CADM3: variants seen among roughly 807,000 people sequenced by gnomAD.
CADM3 encodes cell adhesion molecule 3.
In CADM3, 11 loss-of-function variants were observed where a neutral mutation model predicts 44.9. The observed-to-expected ratio is 0.25, with a 90% CI of 0.15 to 0.41. The LOEUF is 0.41. Ranked by LOEUF, CADM3 falls within the 10% of genes least tolerant of loss-of-function variation. The pLI, the probability that CADM3 is intolerant of heterozygous loss-of-function variation, is 1.00. For synonymous variants in CADM3, 207 were observed against 205.2 expected (o/e 1.01, Z -0.08); for missense variants, 426 against 512.0 (o/e 0.83, Z 1.62).
At chr1:159,192,530 G>A (rs1325037809) in intron 2 of CADM3, 48 bp from the exon 3 acceptor site, 2 of 1,613,178 alleles carry the variant, frequency 1.2e-6, no homozygotes, top group South Asian at 2.2e-5. Context: ...AGGTAAACAT[G>A]AAAGGTGCCA....
At chr1:159,182,832 AG>A in intron 1 of CADM3, among the ~76,000 whole-genome samples, 1 of 152,360 alleles carries the variant, frequency 6.6e-6, no homozygotes, top group South Asian at 2.1e-4. Context: ...AATACCTTAA[AG>A]TTTGGATAGG....
intron 4 of CADM3, 97 bp downstream of exon 4, chr1:159,193,657 G>C: frequency 6.5e-7 from 1 of 1,544,660 alleles, no homozygotes; most frequent in Non-Finnish European, 8.9e-7. Flanking sequence ...TGGTATGGAA[G>C]AGAAAAGGGG....
chr1:159,172,468 GA>G (rs1425414231), intron 1 of CADM3, among the ~76,000 whole-genome samples: 1 of 152,134 alleles, frequency 6.6e-6, no homozygotes. Context: ...CTTATCCTTG[GA>G]GCAAAACAAC....
intron 7 of CADM3, chr1:159,197,556 G>C (rs952194296): frequency 1.3e-5 from 2 of 152,302 alleles, no homozygotes; most frequent in African/African-American, 4.8e-5. Context: ...TATGCCAAGA[G>C]ACAGAATCTT....
chr1:159,199,797 C>T lies in CADM3; in HGVS notation c.999C>T (p.Ile333=), dbSNP rs774303512. The T allele has an allele frequency of 1.9e-5, 30 of 1,613,998 alleles. No homozygotes were observed. The highest frequency in any genetic ancestry group is 1.8e-4 in the East Asian group (8 of 44,876). The change falls in exon 8 of 9, where the codon ATC becomes ATT. Residue 333 remains isoleucine, a synonymous_variant. Coordinates refer to ENST00000368125, the MANE Select transcript of CADM3 (RefSeq NM_001127173.3). ...PSSSSTYHAI[I]GGIVAFIVFL... The stretch of plus-strand genomic sequence containing the variant: ...CCTCCAGCACCTACCACGCCATCAT[C>T]GGTGGGATCGTGGCTTTCATTGTCT...
Position 159,202,793 on chromosome 1 carries a change from A to G in CADM3, c.*1871A>G, listed in dbSNP as rs961092192. The stretch of plus-strand genomic sequence containing the variant: ...GTTGTGAATCTTCCAGCCGCTGGTT[A>G]GGGCCTTGGGCACCACAGGCAGCCC... On this transcript the variant is annotated 3_prime_UTR_variant, in exon 9 of 9. Coordinates refer to ENST00000368125, the MANE Select transcript of CADM3 (RefSeq NM_001127173.3). 2 of 152,022 alleles carry G rather than the reference A, an allele frequency of 1.3e-5. No homozygotes were observed. Among genetic ancestry groups the G allele is most frequent in the African/African-American group, 4.8e-5 (2 of 41,354 alleles). The allele number at this position is 152,022 out of a possible 1,614,324, so 9.4% of individuals were successfully genotyped here.
At chr1:159,191,899 G>T (rs752066028) in intron 1 of CADM3, 37 bp from the exon 2 acceptor site, 11 of 1,612,534 alleles carry the variant, frequency 6.8e-6, no homozygotes, top group Non-Finnish European at 8.5e-6. Flanking sequence ...GAGGGGCTAG[G>T]GGTCCTCAGG....
chr1:159,189,855 A>C (rs1332651322), intron 1 of CADM3: 2 of 1,602,726 alleles, frequency 1.2e-6, no homozygotes, highest in Non-Finnish European at 8.5e-7. Context: ...AGCAGCCCTG[A>C]CATGCTGGCC....
intron 1 of CADM3, among the ~76,000 whole-genome samples, chr1:159,188,475 A>G (rs1393593956): frequency 6.6e-6 from 1 of 150,836 alleles, no homozygotes; most frequent in Non-Finnish European, 1.5e-5. Flanking sequence ...TCTCGGTCCT[A>G]GCGCCCCTTT....
chr1:159,182,099 T>C (rs1022677455), intron 1 of CADM3, among the ~76,000 whole-genome samples: 1 of 123,930 alleles, frequency 8.1e-6, no homozygotes, highest in Non-Finnish European at 1.8e-5. Context: ...CACACACACA[T>C]GCCACCTGTC....
chr1:159,196,087 A>C, intron 5 of CADM3: 1 of 387,616 alleles, frequency 2.6e-6, no homozygotes, highest in East Asian at 4.9e-5. Flanking sequence ...CAGGTAAACC[A>C]CTCATTTCCC....
chr1:159,191,555 G>A (rs935256271), intron 1 of CADM3, among the ~76,000 whole-genome samples: 3 of 152,114 alleles, frequency 2.0e-5, no homozygotes, highest in African/African-American at 7.2e-5. Flanking sequence ...AAGGCCAAAC[G>A]TAGAACAACA....
rs375472324 is a variant in CADM3, at chr1:159,199,827, G to A, written c.1029G>A (p.Leu343=). 2.7e-5 allele frequency: 44 copies of A among 1,613,926 alleles called. No homozygotes were observed. The highest frequency in any genetic ancestry group is 3.4e-5 in the Non-Finnish European group (40 of 1,180,028). ...IGGIVAFIVF[L]LLIMLIFLGH... ...GGATCGTGGCTTTCATTGTCTTCCTGCTGCTCATCATGCTCATCTTCCTTG... is the reference window on the plus strand; with the variant it reads ...GGATCGTGGCTTTCATTGTCTTCCTACTGCTCATCATGCTCATCTTCCTTG... Residue 343 remains leucine, a synonymous_variant, in exon 8 of 9, where the codon CTG becomes CTA. Transcript: ENST00000368125.
At chr1:159,191,708 T>A (rs901047676) in intron 1 of CADM3, among the ~76,000 whole-genome samples, 3 of 152,222 alleles carry the variant, frequency 2.0e-5, no homozygotes, top group African/African-American at 7.2e-5. Flanking sequence ...ATTTAACAAG[T>A]GACTATTTGT....
chr1:159,187,664 A>AG (rs1242242488), intron 1 of CADM3, among the ~76,000 whole-genome samples: 1 of 152,168 alleles, frequency 6.6e-6, no homozygotes, highest in African/African-American at 2.4e-5. Flanking sequence ...ACCAATACCG[A>AG]GGGACTGAGT....
Position 159,171,734 on chromosome 1 carries a change from G to A in CADM3, c.-32G>A. The A allele has an allele frequency of 8.2e-7, 1 of 1,225,252 alleles. No homozygotes were observed. Among genetic ancestry groups the A allele is most frequent in the Non-Finnish European group, 1.0e-6 (1 of 981,580 alleles). 75.9% of individuals were successfully genotyped at this position (1,225,252 alleles called of 1,614,324 possible). ...AGCCCCCGGGGATTCAGGCTCGCCAGCGCCCAGCCAGGGAGCCGGCCGGGA... is the reference window on the plus strand; with the variant it reads ...AGCCCCCGGGGATTCAGGCTCGCCAACGCCCAGCCAGGGAGCCGGCCGGGA... On this transcript the variant is annotated 5_prime_UTR_variant, in exon 1 of 9. Coordinates refer to ENST00000368125, the MANE Select transcript of CADM3 (RefSeq NM_001127173.3).
intron 1 of CADM3, among the ~76,000 whole-genome samples, chr1:159,173,520 C>A (rs35435269): frequency 6.6e-6 from 1 of 152,104 alleles, no homozygotes; most frequent in African/African-American, 2.4e-5. Context: ...CTTTCCCCTA[C>A]GTGGAATCCC....
At chr1:159,192,788 T>A in intron 3 of CADM3, 58 bp downstream of exon 3, 6 of 1,540,368 alleles carry the variant, frequency 3.9e-6, no homozygotes, top group Non-Finnish European at 5.3e-6. Flanking sequence ...CAAACCTCCC[T>A]AGATGGGTCC....
intron 6 of CADM3, 42 bp from the exon 7 acceptor site, chr1:159,196,849 C>T (rs1649919992): frequency 1.3e-6 from 2 of 1,583,544 alleles, no homozygotes; most frequent in East Asian, 4.5e-5. Context: ...AGCTCCCTGG[C>T]CTATGCTCTC....
Sources: allele counts gnomAD v4.1 joint callset (sites outside exome capture counted in the v4.1 genomes callset), GRCh38; gene constraint gnomAD v4.1.1; transcripts MANE v1.5; gene names NCBI Gene and HGNC (gene_info 2026-07-23, HGNC 2026-07-21).